AGMO: variants seen among roughly 807,000 people sequenced by gnomAD.
AGMO encodes alkylglycerol monooxygenase.
AGMO carries 75 observed loss-of-function variants against 60.2 expected under a neutral mutation model. The observed-to-expected ratio is 1.25, with a 90% CI of 1.03 to 1.51. AGMO has a LOEUF of 1.51. Ranked by LOEUF, AGMO falls within the 40% of genes most tolerant of loss-of-function variation. The pLI is 0.00. For synonymous variants in AGMO, 261 were observed against 177.1 expected, an observed-to-expected ratio of 1.47 and a Z score of -3.76; for missense variants, 763 against 525.5, an observed-to-expected ratio of 1.45 and a Z score of -4.42.
At chr7:15,556,219 G>GTT (rs71004394) in intron 2 of AGMO, among the ~76,000 whole-genome samples, 1,232 of 90,978 alleles carry the variant, frequency 0.014, 30 homozygotes, top group African/African-American at 0.04. Context: ...CTCCTTTTTA[G>GTT]TTTTTTTTTT....
rs1164788675 is a variant in AGMO, at chr7:15,560,222, C to G, written c.176G>C (p.Trp59Ser). Residue 59 changes from tryptophan to serine, a missense_variant, in exon 2 of 13, where the codon TGG (tryptophan) becomes TCG (serine). Physicochemically the swap from Trp to Ser is radical, Grantham distance 177. Transcript: ENST00000342526. The part of the protein sequence containing the change: ...SLMLLELVVS[W>S]ILKGKPPGRL... ...ACCTGGTGGCTTTCCTTTGAGAATC[C>G]AGCTGACAACAAGTTCAAGCAGCAT... The G allele has an allele frequency of 6.2e-7, 1 of 1,612,906 alleles. No homozygotes were observed. The highest frequency in any genetic ancestry group is 1.1e-5 in the South Asian group (1 of 91,012).
intron 3 of AGMO, among the ~76,000 whole-genome samples, chr7:15,442,809 A>C (rs749575629): frequency 1.4e-4 from 21 of 152,130 alleles, no homozygotes; most frequent in Admixed American, 2.6e-4. Context: ...CTGAGAACCT[A>C]GCAGGCAGAG....
rs911819329 is a variant in AGMO at position 15,332,451 on chromosome 7, T to C, written c.1263+33063A>G. On this transcript the variant is annotated intron_variant, in intron 12 of 12. Coordinates refer to ENST00000342526, the MANE Select transcript of AGMO (RefSeq NM_001004320.2). ...ACCATGTTTTCAGACACTGGGTTCA[T>C]GTACTTCACATCAACTTTTCTCTGT... Among the ~76,000 whole-genome samples the C allele has an allele frequency of 5.3e-5, 8 of 152,288 alleles. No individual in the cohort carries two copies. The South Asian group carries it at 8.3e-4, about 16-fold the overall frequency.
chr7:15,332,827 T>C (rs961372984), intron 12 of AGMO, among the ~76,000 whole-genome samples: 3 of 152,172 alleles, frequency 2.0e-5, no homozygotes, highest in African/African-American at 7.2e-5. Flanking sequence ...AAATACATAA[T>C]GATATTTAAA....
chr7:15,339,280 G>A (rs1326837263), intron 12 of AGMO, among the ~76,000 whole-genome samples: 1 of 152,128 alleles, frequency 6.6e-6, no homozygotes, highest in Non-Finnish European at 1.5e-5. Flanking sequence ...TGACATGGAA[G>A]ACAAAGTTTG....
chr7:15,501,318 C>T (rs947473064), intron 3 of AGMO, among the ~76,000 whole-genome samples: 3 of 151,802 alleles, frequency 2.0e-5, no homozygotes, highest in Admixed American at 6.6e-5. Context: ...AGGTGAAATA[C>T]GACATTTGGG....
chr7:15,508,799 A>T (rs1221590422), intron 3 of AGMO, among the ~76,000 whole-genome samples: 1 of 152,300 alleles, frequency 6.6e-6, no homozygotes, highest in East Asian at 1.9e-4. Flanking sequence ...CTTTTGCCAC[A>T]TTCTGTTTAA....
At chr7:15,123,039 A>C in the AGMO span, among the ~76,000 whole-genome samples, 7 of 152,120 alleles carry the variant, frequency 4.6e-5, no homozygotes, top group South Asian at 2.1e-4. Flanking sequence ...TTCTTGAACA[A>C]CACCAGCCTC....
intron 12 of AGMO, among the ~76,000 whole-genome samples, chr7:15,339,644 G>A (rs1781771874): frequency 6.6e-6 from 1 of 152,096 alleles, no homozygotes; most frequent in Non-Finnish European, 1.5e-5. Context: ...ATGTATTAAA[G>A]TTATATAGAC....
chr7:15,159,623 A>C, the AGMO span, among the ~76,000 whole-genome samples: 2 of 152,214 alleles, frequency 1.3e-5, no homozygotes, highest in Non-Finnish European at 2.9e-5. Context: ...CTGTACCAAC[A>C]TCAATCTGAG....
At chr7:15,259,754 T>C (rs1467466818) in intron 12 of AGMO, among the ~76,000 whole-genome samples, 1 of 151,904 alleles carries the variant, frequency 6.6e-6, no homozygotes, top group East Asian at 1.9e-4. Context: ...GTCCTATTTT[T>C]AGTCTCCTTA....
intron 3 of AGMO, among the ~76,000 whole-genome samples, chr7:15,479,642 A>G (rs1300843152): frequency 3.3e-5 from 5 of 152,278 alleles, no homozygotes; most frequent in Non-Finnish European, 7.4e-5. Flanking sequence ...AATGCAATTT[A>G]GTAAAAGTCT....
intron 5 of AGMO, among the ~76,000 whole-genome samples, chr7:15,411,549 G>A (rs936223541): frequency 6.6e-6 from 1 of 151,808 alleles, no homozygotes; most frequent in Admixed American, 6.6e-5. Context: ...GACTAATTGT[G>A]TATTTACAAT....
At chr7:15,181,876 G>A in the AGMO span, among the ~76,000 whole-genome samples, 1 of 152,186 alleles carries the variant, frequency 6.6e-6, no homozygotes, top group African/African-American at 2.4e-5. Flanking sequence ...GATAAAATCT[G>A]TAATCTATTA....
Position 15,366,066 on chromosome 7 carries a change from T to C in AGMO, c.1157+74A>G, listed in dbSNP as rs371354292. 5 of 1,077,632 alleles carry C rather than the reference T, an allele frequency of 4.6e-6. No homozygotes were observed. The South Asian group carries it at 5.8e-5, about 12-fold the overall frequency. The allele number at this position is 1,077,632 out of a possible 1,614,324, so 66.8% of individuals were successfully genotyped here. A position where few individuals can be genotyped will look rare whatever the true frequency, so the allele number is the denominator to read the frequency against. ...AAACTACACTAGTTACATAATATACTGGTATTTTACCACTCTGTGGAAAAT... is the reference window on the plus strand; with the variant it reads ...AAACTACACTAGTTACATAATATACCGGTATTTTACCACTCTGTGGAAAAT... On this transcript the variant is annotated intron_variant, in intron 11 of 12. Transcript: ENST00000342526.
intron 3 of AGMO, among the ~76,000 whole-genome samples, chr7:15,504,773 TTAAAA>T (rs1583623062): frequency 6.8e-6 from 1 of 147,436 alleles, no homozygotes; most frequent in Non-Finnish European, 1.5e-5. Flanking sequence ...CCTTTTCTAG[TTAAAA>T]TAAAAAAAAA....
chr7:15,548,039 C>A (rs1784838111), intron 2 of AGMO, among the ~76,000 whole-genome samples: 1 of 150,672 alleles, frequency 6.6e-6, no homozygotes, highest in African/African-American at 2.4e-5. Context: ...CTAGGAGGCA[C>A]CCCCCAGCAG....
At chr7:15,143,998 A>G in the AGMO span, among the ~76,000 whole-genome samples, 1 of 152,210 alleles carries the variant, frequency 6.6e-6, no homozygotes, top group African/African-American at 2.4e-5. Context: ...ACAGATTATC[A>G]CAACACATGT....
intron 12 of AGMO, among the ~76,000 whole-genome samples, chr7:15,267,656 T>C (rs1289726088): frequency 6.6e-6 from 1 of 151,984 alleles, no homozygotes; most frequent in Non-Finnish European, 1.5e-5. Flanking sequence ...GGCACACAGC[T>C]TCTACCCATT....
Sources: gnomAD v4.1 joint callset for allele counts (sites outside exome capture counted in the v4.1 genomes callset) on GRCh38, gnomAD v4.1.1 for gene constraint, MANE v1.5 for transcripts, NCBI Gene and HGNC (gene_info 2026-07-23, HGNC 2026-07-21) for gene names.